Variants in SLC1A2 observed in about 807,000 individuals in gnomAD.
The protein encoded by SLC1A2 is solute carrier family 1 member 2.
In SLC1A2, 15 loss-of-function variants were observed where a neutral mutation model predicts 48.8. The ratio of observed to expected loss-of-function variants is 0.31; its 90% CI spans 0.21 to 0.47. The LOEUF (loss-of-function observed/expected upper bound fraction) is 0.47. Among genes scored for constraint, SLC1A2 ranks in the 20% least tolerant of loss-of-function variants. SLC1A2 has a pLI of 0.99. For missense variants in SLC1A2, 502 were observed against 730.5 expected (o/e 0.69, Z 3.61); for synonymous variants, 279 against 272.6 (o/e 1.02, Z -0.23).
rs1411302074 is a variant in SLC1A2 at position 35,254,622 on chromosome 11, C to G, written c.*6272G>C. On this transcript the variant is annotated 3_prime_UTR_variant, in exon 11 of 11. Coordinates refer to ENST00000278379, the MANE Select transcript of SLC1A2 (RefSeq NM_004171.4). ...GAGTGAGGCTCCGACTGCAACATCTCCATCTCCAGTGAGGATGATGACAAG... is the reference window on the plus strand; with the variant it reads ...GAGTGAGGCTCCGACTGCAACATCTGCATCTCCAGTGAGGATGATGACAAG... 1 of 331,172 alleles carries G rather than the reference C, an allele frequency of 3.0e-6. No individual in the cohort carries two copies. Among genetic ancestry groups the G allele is most frequent in the Non-Finnish European group, 5.9e-6 (1 of 169,578 alleles). 20.5% of individuals were successfully genotyped at this position (331,172 alleles called of 1,614,324 possible). A position where few individuals can be genotyped will look rare whatever the true frequency, so the allele number is the denominator to read the frequency against.
At chr11:35,335,408 C>T (rs532264601) in intron 1 of SLC1A2, among the ~76,000 whole-genome samples, 1 of 152,336 alleles carries the variant, frequency 6.6e-6, no homozygotes, top group Admixed American at 6.5e-5. Flanking sequence ...CCAAGGGCAG[C>T]TGTGATGAAG....
intron 1 of SLC1A2, among the ~76,000 whole-genome samples, chr11:35,356,946 AG>A (rs1237437276): frequency 1.3e-5 from 2 of 152,230 alleles, no homozygotes; most frequent in East Asian, 3.8e-4. Flanking sequence ...ATTATAAAAA[AG>A]TAAGATCTTT....
chr11:35,325,077 A>C (rs1343370429), intron 1 of SLC1A2, among the ~76,000 whole-genome samples: 1 of 152,178 alleles, frequency 6.6e-6, no homozygotes, highest in Non-Finnish European at 1.5e-5. Context: ...TACATTTGAT[A>C]ACTTCACACA....
intron 1 of SLC1A2, among the ~76,000 whole-genome samples, chr11:35,344,520 TG>T (rs1378007410): frequency 6.6e-5 from 10 of 152,216 alleles, no homozygotes; most frequent in African/African-American, 2.4e-4. Flanking sequence ...ACTCTCCCCC[TG>T]AAAATGCACA....
intron 10 of SLC1A2, 36 bp from the exon 11 acceptor site, chr11:35,261,001 C>A (rs760117203): frequency 6.5e-6 from 10 of 1,539,228 alleles, no homozygotes; most frequent in Admixed American, 5.0e-5. Flanking sequence ...AGCTTACAGA[C>A]CACGAACCAG....
intron 1 of SLC1A2, chr11:35,418,614 T>C: frequency 3.8e-6 from 1 of 260,144 alleles, no homozygotes; most frequent in South Asian, 9.6e-5. Flanking sequence ...GCTACCCCGG[T>C]GTCTGCTCAC....
intron 8 of SLC1A2, among the ~76,000 whole-genome samples, chr11:35,282,757 A>T (rs1362101523): frequency 1.3e-5 from 2 of 152,224 alleles, no homozygotes; most frequent in Admixed American, 6.5e-5. Context: ...CACTGTGGTT[A>T]ACATTAACAT....
chr11:35,258,591 C>G lies in SLC1A2; in HGVS notation c.*2303G>C, dbSNP rs562675040. ...AACACCACTTAAAGAAAATCCTAAACAGTTTCACAGCTAAACCCAGGAACT... is the reference window on the plus strand; with the variant it reads ...AACACCACTTAAAGAAAATCCTAAAGAGTTTCACAGCTAAACCCAGGAACT... On this transcript the variant is annotated 3_prime_UTR_variant, in exon 11 of 11. Coordinates refer to ENST00000278379, the MANE Select transcript of SLC1A2 (RefSeq NM_004171.4). 4 of 152,742 alleles carry G rather than the reference C, an allele frequency of 2.6e-5. No homozygotes were observed. The highest frequency in any genetic ancestry group is 9.6e-5 in the African/African-American group (4 of 41,576). The allele number at this position is 152,742 out of a possible 1,614,324, so 9.5% of individuals were successfully genotyped here.
Position 35,256,817 on chromosome 11 carries a change from C to T in SLC1A2, c.*4077G>A, listed in dbSNP as rs1040605729. 6.6e-6 allele frequency: 1 copy of T among 151,988 alleles called. No individual in the cohort carries two copies. The highest frequency in any genetic ancestry group is 2.4e-5 in the African/African-American group (1 of 41,370). 9.4% of individuals were successfully genotyped at this position (151,988 alleles called of 1,614,324 possible). A position where few individuals can be genotyped will look rare whatever the true frequency, so the allele number is the denominator to read the frequency against. On this transcript the variant is annotated 3_prime_UTR_variant, in exon 11 of 11. Transcript: ENST00000278379. ...AGCAGCTAGGTGAGAAAAATCACTT[C>T]CACTGGGGTATAACTGCTGTGCACT... is the stretch of plus-strand genomic sequence containing the variant.
chr11:35,406,840 A>C (rs1330167298), intron 1 of SLC1A2, among the ~76,000 whole-genome samples: 1 of 152,182 alleles, frequency 6.6e-6, no homozygotes, highest in African/African-American at 2.4e-5. Context: ...AGGATATATG[A>C]ATCTAGAACC....
intron 1 of SLC1A2, among the ~76,000 whole-genome samples, chr11:35,406,747 A>T (rs1307163487): frequency 6.7e-6 from 1 of 149,252 alleles, no homozygotes; most frequent in South Asian, 2.1e-4. Flanking sequence ...GTTTGTAGGG[A>T]AAAAAAAATC....
chr11:35,372,058 T>G (rs752951370), intron 1 of SLC1A2, among the ~76,000 whole-genome samples: 2 of 152,196 alleles, frequency 1.3e-5, no homozygotes, highest in African/African-American at 4.8e-5. Flanking sequence ...CCTTCACCAC[T>G]GTCTGCAACT....
At chr11:35,369,978 C>T (rs2135161546) in intron 1 of SLC1A2, among the ~76,000 whole-genome samples, 1 of 152,216 alleles carries the variant, frequency 6.6e-6, no homozygotes, top group South Asian at 2.1e-4. Flanking sequence ...ACCAGACTCA[C>T]AAAATTGGGT....
rs1034194658 is a variant in SLC1A2 at position 35,419,106 on chromosome 11, G to A, written c.-140C>T. The A allele has an allele frequency of 6.0e-6, 4 of 664,856 alleles. No individual in the cohort carries two copies. Among genetic ancestry groups the A allele is most frequent in the Non-Finnish European group, 9.8e-6 (4 of 407,348 alleles). 41.2% of individuals were successfully genotyped at this position (664,856 alleles called of 1,614,324 possible). On this transcript the variant is annotated 5_prime_UTR_variant, in exon 1 of 11. Coordinates refer to ENST00000278379, the MANE Select transcript of SLC1A2 (RefSeq NM_004171.4). This position sits in a 1 kb window ranked among gnomAD's most constrained non-coding sequence, Gnocchi z 5.4. ...CTGCCCGCCCTTCCACCCGCCTCCGGGGTAAGCCCTTTAGCGCCTCAACGG... is the reference window on the plus strand; with the variant it reads ...CTGCCCGCCCTTCCACCCGCCTCCGAGGTAAGCCCTTTAGCGCCTCAACGG...
rs558727241 is a variant in SLC1A2, at chr11:35,399,639, T to C, written c.17+19311A>G. 7.5e-4 allele frequency: 733 copies of C among 979,538 alleles called. 1 individual carries two copies. The highest frequency in any genetic ancestry group is 7.3e-4 in the Non-Finnish European group (604 of 824,620). 60.7% of individuals were successfully genotyped at this position (979,538 alleles called of 1,614,324 possible). On this transcript the variant is annotated intron_variant, in intron 1 of 10. Coordinates refer to ENST00000278379, the MANE Select transcript of SLC1A2 (RefSeq NM_004171.4). ...CATTTGTATGCGGAGTATTCAATCA[T>C]CTATTCCTACTCAAAATAGAGGGGA...
At chr11:35,269,980 G>C (rs561172388) in intron 9 of SLC1A2, among the ~76,000 whole-genome samples, 166 of 152,244 alleles carry the variant, frequency 1.1e-3, no homozygotes, top group Non-Finnish European at 1.7e-3. Flanking sequence ...GGTGGTGCAC[G>C]CCTGTAATCC....
chr11:35,355,855 A>AAC (rs1412267181), intron 1 of SLC1A2, among the ~76,000 whole-genome samples: 2 of 151,010 alleles, frequency 1.3e-5, no homozygotes, highest in African/African-American at 2.4e-5. Flanking sequence ...ACTGCACTCC[A>AAC]ACCTAGGCAA....
At position 35,342,958 on chromosome 11, in the gene SLC1A2, T is replaced by C. The variant is rs557686749; in HGVS notation, c.18-25442A>G. Among the ~76,000 whole-genome samples, 7 of 152,312 alleles carry C rather than the reference T, an allele frequency of 4.6e-5. No individual in the cohort carries two copies. The East Asian group carries it at 1.2e-3, about 25-fold the overall frequency. ...TAGCCCCAAGTTGGTCTTGACCACC[T>C]ATATTCAACTACTAGGACATCTTTT... On this transcript the variant is annotated intron_variant, in intron 1 of 10. Transcript: ENST00000278379.
intron 1 of SLC1A2, among the ~76,000 whole-genome samples, chr11:35,399,949 T>C (rs1402486834): frequency 1.3e-5 from 2 of 152,180 alleles, no homozygotes; most frequent in African/African-American, 2.4e-5. Flanking sequence ...GATTTTTGTT[T>C]AGCCTAAACC....
Sources: allele counts gnomAD v4.1 joint callset (sites outside exome capture counted in the v4.1 genomes callset), GRCh38; gene constraint gnomAD v4.1.1; non-coding constraint Gnocchi (gnomAD v3.1); transcripts MANE v1.5; gene names NCBI Gene and HGNC (gene_info 2026-07-23, HGNC 2026-07-21).